Variants in LSAMP observed in about 807,000 individuals in gnomAD.
LSAMP encodes limbic system associated membrane protein, also known as limbic system-associated membrane protein.
A neutral mutation model predicts 38.6 loss-of-function variants in LSAMP; 7 were observed. The observed-to-expected ratio is 0.18, with a 90% CI of 0.10 to 0.34. The LOEUF is 0.34. LSAMP is among the 10% of genes least tolerant of loss of function. The pLI, the probability that LSAMP is intolerant of heterozygous loss-of-function variation, is 1.00. For missense variants in LSAMP, 313 were observed against 420.0 expected, an observed-to-expected ratio of 0.75 and a Z score of 2.23; for synonymous variants, 154 against 166.8, an observed-to-expected ratio of 0.92 and a Z score of 0.59.
At chr3:115,922,502 TG>T (rs776793354) in intron 3 of LSAMP, among the ~76,000 whole-genome samples, 2 of 152,198 alleles carry the variant, frequency 1.3e-5, no homozygotes, top group Non-Finnish European at 2.9e-5. Context: ...AACATTTTCA[TG>T]ATGCTTATTT....
intron 1 of LSAMP, among the ~76,000 whole-genome samples, chr3:116,381,515 A>G (rs993352864): frequency 2.6e-5 from 4 of 152,106 alleles, no homozygotes; most frequent in African/African-American, 9.7e-5. Flanking sequence ...GGGAGTTATC[A>G]GTAATGCTAT....
intron 1 of LSAMP, among the ~76,000 whole-genome samples, chr3:116,198,782 G>A (rs28378519): frequency 0.011 from 457 of 41,530 alleles, 8 homozygotes; most frequent in Middle Eastern, 0.068. Flanking sequence ...GAAAAAAAAA[G>A]AAAATCAGAA....
intron 1 of LSAMP, among the ~76,000 whole-genome samples, chr3:116,440,572 C>G (rs755112631): frequency 1.3e-5 from 2 of 152,120 alleles, no homozygotes; most frequent in Admixed American, 6.5e-5. Context: ...GCTTTTCTTG[C>G]GAGATTTGCC....
chr3:116,038,490 G>A (rs973611237), intron 2 of LSAMP, among the ~76,000 whole-genome samples: 1 of 152,168 alleles, frequency 6.6e-6, no homozygotes, highest in Admixed American at 6.5e-5. Flanking sequence ...ACTTGAATCT[G>A]TAACATCTCT....
chr3:116,106,872 T>C (rs1308996515), intron 1 of LSAMP, among the ~76,000 whole-genome samples: 7 of 151,772 alleles, frequency 4.6e-5, no homozygotes, highest in Non-Finnish European at 1.0e-4. Flanking sequence ...GCTTGATGTG[T>C]AGGGAAGGGA....
intron 1 of LSAMP, among the ~76,000 whole-genome samples, chr3:116,092,057 C>T (rs931342394): frequency 2.6e-5 from 4 of 152,092 alleles, no homozygotes; most frequent in African/African-American, 9.7e-5. Context: ...TGTAATTCAC[C>T]TCTGGAGCCC....
At chr3:116,003,016 T>C (rs1027516005) in intron 3 of LSAMP, among the ~76,000 whole-genome samples, 3 of 152,134 alleles carry the variant, frequency 2.0e-5, no homozygotes, top group Non-Finnish European at 4.4e-5. Flanking sequence ...ATATTTTACT[T>C]CAGAAATTTT....
chr3:116,140,823 A>G lies in LSAMP; in HGVS notation c.156-54267T>C, dbSNP rs1008401357. ...TCTGAAATGGTCACAATTTTAAGAA[A>G]GTAAAATTATAGAGGGAAAAATGTT... On this transcript the variant is annotated intron_variant, in intron 1 of 6. Transcript: ENST00000490035. Among the ~76,000 whole-genome samples, 63 of 151,970 alleles carry G rather than the reference A, an allele frequency of 4.1e-4. 1 individual carries two copies. Among genetic ancestry groups the G allele is most frequent in the Non-Finnish European group, 1.3e-4 (9 of 67,942 alleles).
chr3:116,075,930 C>A (rs1707732187), intron 2 of LSAMP, among the ~76,000 whole-genome samples: 1 of 152,148 alleles, frequency 6.6e-6, no homozygotes, highest in Admixed American at 6.5e-5. Context: ...AGACAGCCTT[C>A]CACACTCCAT....
intron 1 of LSAMP, among the ~76,000 whole-genome samples, chr3:116,245,292 C>T (rs184042240): frequency 4.8e-4 from 73 of 152,272 alleles, no homozygotes; most frequent in African/African-American, 1.7e-3. Context: ...GACTTTTAGG[C>T]TCCAGAACAG....
At chr3:116,291,620 G>C (rs2047268736) in intron 1 of LSAMP, among the ~76,000 whole-genome samples, 2 of 152,090 alleles carry the variant, frequency 1.3e-5, no homozygotes, top group South Asian at 4.1e-4. Flanking sequence ...TAGGGGGTAG[G>C]GATCTATCTA....
intron 3 of LSAMP, among the ~76,000 whole-genome samples, chr3:116,010,416 T>C (rs577869190): frequency 2.0e-4 from 30 of 152,338 alleles, no homozygotes; most frequent in Non-Finnish European, 3.2e-4. Context: ...ACTTAGTCTG[T>C]GCCAGGCACT....
At chr3:115,902,977 C>T (rs1036045389) in intron 3 of LSAMP, among the ~76,000 whole-genome samples, 3 of 152,126 alleles carry the variant, frequency 2.0e-5, no homozygotes, top group African/African-American at 7.2e-5. Context: ...CCAGCAATCC[C>T]ATTACTTGGT....
At chr3:115,818,607 C>G (rs965362144) in intron 6 of LSAMP, among the ~76,000 whole-genome samples, 18 of 151,236 alleles carry the variant, frequency 1.2e-4, no homozygotes, top group Non-Finnish European at 1.8e-4. Context: ...ATAATAAATG[C>G]TCAATAAATG....
chr3:116,148,145 T>C (rs1709530086), intron 1 of LSAMP, among the ~76,000 whole-genome samples: 2 of 151,812 alleles, frequency 1.3e-5, no homozygotes, highest in South Asian at 4.1e-4. Flanking sequence ...ATGAGGAATG[T>C]TATCCAATTT....
chr3:115,985,049 C>G (rs1939470599), intron 3 of LSAMP, among the ~76,000 whole-genome samples: 1 of 152,094 alleles, frequency 6.6e-6, no homozygotes, highest in Admixed American at 6.5e-5. Context: ...AAACTTTGTC[C>G]TGAAGGTATC....
chr3:115,988,636 A>G (rs1487637496), intron 3 of LSAMP, among the ~76,000 whole-genome samples: 3 of 152,108 alleles, frequency 2.0e-5, no homozygotes, highest in African/African-American at 7.2e-5. Context: ...TGGATGTAGC[A>G]TGAACTCTTT....
At chr3:115,850,025 T>C (rs1393616125) in intron 4 of LSAMP, among the ~76,000 whole-genome samples, 1 of 152,218 alleles carries the variant, frequency 6.6e-6, no homozygotes, top group Admixed American at 6.5e-5. Flanking sequence ...ACATACTGGA[T>C]ATGTGACTAA....
chr3:116,388,534 A>T (rs2107809562), intron 1 of LSAMP, among the ~76,000 whole-genome samples: 1 of 152,286 alleles, frequency 6.6e-6, no homozygotes, highest in South Asian at 2.1e-4. Flanking sequence ...ATTTTACTAA[A>T]TGCCAACAGA....
Sources: gnomAD v4.1 joint callset for allele counts (sites outside exome capture counted in the v4.1 genomes callset) on GRCh38, gnomAD v4.1.1 for gene constraint, MANE v1.5 for transcripts, NCBI Gene and HGNC (gene_info 2026-07-23, HGNC 2026-07-21) for gene names.